Variants in RGPD2 observed in about 807,000 individuals in gnomAD.
RGPD2 encodes the protein RANBP2-like and GRIP domain-containing protein 2.
Under a neutral mutation model 36.0 loss-of-function variants are expected in RGPD2, and 2 were observed. That is an observed-to-expected ratio of 0.06 (90% confidence interval 0.02 to 0.17). The LOEUF (loss-of-function observed/expected upper bound fraction) is 0.17. RGPD2 is among the 10% of genes least tolerant of loss of function. RGPD2 has a pLI of 1.00. For synonymous variants in RGPD2, 19 were observed against 163.8 expected, an observed-to-expected ratio of 0.12 and a Z score of 6.75; for missense variants, 40 against 464.3, an observed-to-expected ratio of 0.09 and a Z score of 8.40.
the RGPD2 span, among the ~76,000 whole-genome samples, chr2:87,956,276 C>G: frequency 7.6e-3 from 1,126 of 148,530 alleles, no homozygotes; most frequent in African/African-American, 0.026. Context: ...AATTTTTTTT[C>G]AAGCAGTTAA....
At chr2:87,884,824 G>T in the RGPD2 span, among the ~76,000 whole-genome samples, 135 of 152,230 alleles carry the variant, frequency 8.9e-4, no homozygotes, top group African/African-American at 3.0e-3. Flanking sequence ...GAAAAGCCCA[G>T]ATCCAGATAG....
the RGPD2 span, among the ~76,000 whole-genome samples, chr2:87,883,127 A>G: frequency 6.6e-6 from 1 of 152,186 alleles, no homozygotes; most frequent in African/African-American, 2.4e-5. Context: ...ATAATTTGTT[A>G]AGAGGCACAT....
At chr2:87,964,595 A>T in the RGPD2 span, among the ~76,000 whole-genome samples, 2 of 151,922 alleles carry the variant, frequency 1.3e-5, no homozygotes, top group Non-Finnish European at 2.9e-5. Flanking sequence ...GTACAGTGGC[A>T]CGATCTCAGC....
the RGPD2 span, among the ~76,000 whole-genome samples, chr2:87,834,028 A>C: frequency 1.3e-5 from 1 of 76,680 alleles, no homozygotes; most frequent in South Asian, 5.1e-4. Flanking sequence ...ATGAATATAG[A>C]TGCAAAAAAA....
intron 7 of RGPD2, among the ~76,000 whole-genome samples, chr2:87,805,816 T>C (rs1159623316): frequency 5.6e-5 from 8 of 143,870 alleles, no homozygotes; most frequent in East Asian, 2.2e-4. Context: ...GCCGAGATCG[T>C]GCCACTGCAC....
intron 22 of RGPD2, among the ~76,000 whole-genome samples, chr2:87,761,187 G>A (rs1420100262): frequency 3.6e-5 from 1 of 28,034 alleles, no homozygotes; most frequent in Non-Finnish European, 7.5e-5. Flanking sequence ...TTTCTTCTTA[G>A]TGTTTTTATC....
the RGPD2 span, among the ~76,000 whole-genome samples, chr2:87,942,561 AG>A: frequency 6.6e-6 from 1 of 150,844 alleles, no homozygotes; most frequent in East Asian, 2.0e-4. Flanking sequence ...TGATCAAATC[AG>A]GGTAATTAAC....
chr2:87,924,473 G>A, the RGPD2 span, among the ~76,000 whole-genome samples: 17 of 152,064 alleles, frequency 1.1e-4, 1 homozygote, highest in South Asian at 3.1e-3. Context: ...CTTGGCTGCT[G>A]CAGCTGGGTA....
the RGPD2 span, among the ~76,000 whole-genome samples, chr2:87,943,631 C>G: frequency 6.6e-6 from 1 of 151,938 alleles, no homozygotes; most frequent in Non-Finnish European, 1.5e-5. Flanking sequence ...TGTGCAGAAG[C>G]TTTTTAGCTT....
At chr2:87,985,908 G>A in the RGPD2 span, 4 of 1,591,934 alleles carry the variant, frequency 2.5e-6, no homozygotes, top group East Asian at 2.2e-5. Flanking sequence ...TTGCAAACAT[G>A]TTTGTACTAT....
chr2:87,760,811 G>A (rs1383210424), intron 22 of RGPD2, among the ~76,000 whole-genome samples: 6 of 122,620 alleles, frequency 4.9e-5, no homozygotes, highest in African/African-American at 1.8e-4. Flanking sequence ...TAGAGACAGG[G>A]TTTCACCGTG....
At chr2:87,877,804 C>CAAAAAAAAAAAAAAAAAAAAAAAAAA in the RGPD2 span, among the ~76,000 whole-genome samples, 3 of 84,378 alleles carry the variant, frequency 3.6e-5, no homozygotes, top group Non-Finnish European at 4.2e-5. Flanking sequence ...GACTCCGTCT[C>CAAAAAAAAAAAAAAAAAAAAAAAAAA]AAAAAAAAAA....
chr2:87,919,790 G>A, the RGPD2 span, among the ~76,000 whole-genome samples: 1 of 149,558 alleles, frequency 6.7e-6, no homozygotes, highest in African/African-American at 2.5e-5. Context: ...ACTATACTAA[G>A]CACTTTACAT....
At chr2:87,934,633 T>C in the RGPD2 span, among the ~76,000 whole-genome samples, 1 of 151,412 alleles carries the variant, frequency 6.6e-6, no homozygotes, top group Non-Finnish European at 1.5e-5. Flanking sequence ...CTCACCCAAT[T>C]GTCAGGTTAA....
At chr2:87,769,831 C>T (rs1685074742) in intron 22 of RGPD2, among the ~76,000 whole-genome samples, 1 of 151,532 alleles carries the variant, frequency 6.6e-6, no homozygotes, top group Non-Finnish European at 1.5e-5. Context: ...TAGATTTCTT[C>T]TTTTTTATAA....
the RGPD2 span, among the ~76,000 whole-genome samples, chr2:87,867,747 C>T: frequency 6.7e-6 from 1 of 149,318 alleles, no homozygotes; most frequent in African/African-American, 2.4e-5. Context: ...GGACGTCAAA[C>T]TCTTTTTTAT....
At chr2:87,887,249 G>A in the RGPD2 span, among the ~76,000 whole-genome samples, 1 of 151,742 alleles carries the variant, frequency 6.6e-6, no homozygotes, top group Non-Finnish European at 1.5e-5. Flanking sequence ...GAGCCAATTA[G>A]ATTTGTCAGT....
At chr2:87,858,500 T>C in the RGPD2 span, among the ~76,000 whole-genome samples, 4 of 150,308 alleles carry the variant, frequency 2.7e-5, no homozygotes, top group African/African-American at 7.3e-5. Flanking sequence ...GGAGCAATCA[T>C]TGCTCACTGC....
At chr2:87,873,054 G>A in the RGPD2 span, among the ~76,000 whole-genome samples, 1 of 152,252 alleles carries the variant, frequency 6.6e-6, no homozygotes, top group African/African-American at 2.4e-5. Flanking sequence ...CACCGTGCCT[G>A]GCCCTCAGCT....
Sources: gnomAD v4.1 joint callset for allele counts (sites outside exome capture counted in the v4.1 genomes callset) on GRCh38, gnomAD v4.1.1 for gene constraint, MANE v1.5 for transcripts, NCBI Gene and HGNC (gene_info 2026-07-23, HGNC 2026-07-21) for gene names.